TENM2: variants seen among roughly 807,000 people sequenced by gnomAD.
TENM2 encodes teneurin-2.
TENM2 carries 52 observed loss-of-function variants against 245.2 expected under a neutral mutation model. That is an observed-to-expected ratio of 0.21 (90% CI 0.17 to 0.27). The LOEUF (loss-of-function observed/expected upper bound fraction) is 0.27. TENM2 is among the 10% of genes least tolerant of loss of function. The pLI is 1.00. For missense variants in TENM2, 3,046 were observed against 3,666.8 expected (o/e 0.83, Z 4.37); for synonymous variants, 1,363 against 1,438.9 (o/e 0.95, Z 1.19).
chr5:167,277,211 A>G, the TENM2 span, among the ~76,000 whole-genome samples: 3 of 149,110 alleles, frequency 2.0e-5, no homozygotes, highest in Admixed American at 2.1e-4. Context: ...TATATTATTG[A>G]TTTGAGGCTT....
chr5:167,628,106 T>C (rs560730911), intron 2 of TENM2, among the ~76,000 whole-genome samples: 2 of 152,152 alleles, frequency 1.3e-5, no homozygotes, highest in African/African-American at 4.8e-5. Context: ...CCTCAGAAGG[T>C]TGCTGTCACC....
the TENM2 span, among the ~76,000 whole-genome samples, chr5:167,220,552 G>GCTTCA: frequency 6.6e-6 from 1 of 152,136 alleles, no homozygotes; most frequent in African/African-American, 2.4e-5. Flanking sequence ...GATACCTGAA[G>GCTTCA]CACTGAGCTG....
upstream of TENM2, among the ~76,000 whole-genome samples, chr5:167,283,742 G>A (rs938943504): frequency 1.3e-5 from 2 of 152,140 alleles, no homozygotes; most frequent in African/African-American, 4.8e-5. Flanking sequence ...CTGGCCCTGT[G>A]GTCTATGCTA....
chr5:167,542,814 A>G (rs554424656), intron 2 of TENM2, among the ~76,000 whole-genome samples: 56 of 152,266 alleles, frequency 3.7e-4, no homozygotes, highest in African/African-American at 1.3e-3. Context: ...GGAGTCAGCC[A>G]CACAAGATGG....
chr5:168,048,724 A>C (rs1016511254), intron 6 of TENM2, among the ~76,000 whole-genome samples: 1 of 152,168 alleles, frequency 6.6e-6, no homozygotes, highest in Non-Finnish European at 1.5e-5. Context: ...CTGAGATGCT[A>C]ATGCTGCTTC....
intron 2 of TENM2, among the ~76,000 whole-genome samples, chr5:167,792,538 A>G (rs1355823598): frequency 6.6e-6 from 1 of 152,002 alleles, no homozygotes; most frequent in Admixed American, 6.6e-5. Flanking sequence ...AGACTTGAAG[A>G]CAACGTGTTC....
intron 1 of TENM2, among the ~76,000 whole-genome samples, chr5:167,336,820 TAA>T (rs199669707): frequency 1.1e-4 from 16 of 144,846 alleles, no homozygotes; most frequent in South Asian, 2.2e-4. Flanking sequence ...TGCAAATATT[TAA>T]AAAAAAAAAA....
chr5:167,935,733 A>G (rs1234972612), intron 3 of TENM2, among the ~76,000 whole-genome samples: 1 of 152,184 alleles, frequency 6.6e-6, no homozygotes, highest in Non-Finnish European at 1.5e-5. Flanking sequence ...AGCTGCTGGC[A>G]TTCATGACAC....
the TENM2 span, among the ~76,000 whole-genome samples, chr5:167,227,910 G>A: frequency 1.1e-4 from 17 of 151,522 alleles, no homozygotes; most frequent in Admixed American, 2.0e-4. Context: ...GTTGTTTTAT[G>A]GTGTCCCATA....
intron 1 of TENM2, among the ~76,000 whole-genome samples, chr5:167,334,359 T>G (rs1410817750): frequency 1.3e-5 from 2 of 152,234 alleles, no homozygotes; most frequent in Admixed American, 1.3e-4. Context: ...TCTTAAAATA[T>G]GCCTTCAATG....
chr5:167,318,521 T>C (rs1245532720), intron 1 of TENM2, among the ~76,000 whole-genome samples: 1 of 152,128 alleles, frequency 6.6e-6, no homozygotes, highest in Non-Finnish European at 1.5e-5. Flanking sequence ...GATTAAAGCA[T>C]CTTCTTTTCA....
At chr5:168,062,744 C>T (rs761330331) in intron 7 of TENM2, among the ~76,000 whole-genome samples, 1 of 152,180 alleles carries the variant, frequency 6.6e-6, no homozygotes, top group African/African-American at 2.4e-5. Flanking sequence ...TTTAAAAACA[C>T]TATGCAAAGT....
chr5:167,404,848 C>T (rs1421534455), intron 2 of TENM2, among the ~76,000 whole-genome samples: 1 of 152,118 alleles, frequency 6.6e-6, no homozygotes, highest in African/African-American at 2.4e-5. Flanking sequence ...TCTAGTATAT[C>T]ACAGGCTTGT....
At chr5:167,324,084 C>A (rs1756939344) in intron 1 of TENM2, among the ~76,000 whole-genome samples, 1 of 152,164 alleles carries the variant, frequency 6.6e-6, no homozygotes, top group Admixed American at 6.5e-5. Context: ...CCAACTGTTC[C>A]TCATGGTGAA....
intron 1 of TENM2, among the ~76,000 whole-genome samples, chr5:167,335,359 C>A (rs928325718): frequency 6.6e-6 from 1 of 152,168 alleles, no homozygotes; most frequent in African/African-American, 2.4e-5. Flanking sequence ...TATTTAATCA[C>A]CTCCCACCAG....
chr5:167,716,589 G>GA (rs1438451976), intron 2 of TENM2, among the ~76,000 whole-genome samples: 1 of 151,700 alleles, frequency 6.6e-6, no homozygotes, highest in East Asian at 1.9e-4. Flanking sequence ...TCCTTTCCTT[G>GA]AAAAAAAAGT....
chr5:168,159,011 G>A lies in TENM2; in HGVS notation c.2423-3600G>A, dbSNP rs139840865. On this transcript the variant is annotated intron_variant, in intron 12 of 28. Coordinates refer to ENST00000518659, the Ensembl canonical transcript of TENM2. ...CAAAAAAAATCAGCTAGATGTGGTG[G>A]CATGCACCTGTAGTCCCAGCTACTC... Among the ~76,000 whole-genome samples, 920 of 150,290 alleles carry A rather than the reference G, an allele frequency of 6.1e-3. 7 individuals are homozygous for A. The highest frequency in any genetic ancestry group is 0.029 in the Middle Eastern group (8 of 280).
chr5:167,416,874 C>G (rs780076220), intron 2 of TENM2, among the ~76,000 whole-genome samples: 82 of 152,074 alleles, frequency 5.4e-4, no homozygotes, highest in Non-Finnish European at 9.6e-4. Context: ...ATTTCTCAAA[C>G]AGGATTTTCA....
chr5:167,515,678 T>TACACATATATAC (rs1336444347), intron 2 of TENM2, among the ~76,000 whole-genome samples: 1 of 147,676 alleles, frequency 6.8e-6, no homozygotes, highest in African/African-American at 2.5e-5. Context: ...TGTGTATATA[T>TACACATATATAC]ATTTTGAGAG....
Sources: gnomAD v4.1 joint callset for allele counts (sites outside exome capture counted in the v4.1 genomes callset) on GRCh38, gnomAD v4.1.1 for gene constraint, MANE v1.5 for transcripts, NCBI Gene and HGNC (gene_info 2026-07-23, HGNC 2026-07-21) for gene names.